The following SCOC variants were observed in gnomAD, a reference collection of about 807,000 sequenced individuals.
SCOC encodes short coiled coil protein.
Under a neutral mutation model 9.9 loss-of-function variants are expected in SCOC, and 7 were observed. The ratio of observed to expected loss-of-function variants is 0.71; its 90% CI spans 0.40 to 1.33. SCOC has a LOEUF of 1.33. Ranked by LOEUF, SCOC falls within the 40% of genes most tolerant of loss-of-function variation. The pLI is 0.01. For synonymous variants in SCOC, 19 were observed against 28.2 expected (o/e 0.67, Z 1.03); for missense variants, 66 against 89.7 (o/e 0.74, Z 1.07).
At chr4:140,365,105 AT>A (rs1727732324) in intron 2 of SCOC, among the ~76,000 whole-genome samples, 1 of 150,862 alleles carries the variant, frequency 6.6e-6, no homozygotes, top group Non-Finnish European at 1.5e-5. Flanking sequence ...CTATCCAGAT[AT>A]TGTGCATGAC....
upstream of SCOC, among the ~76,000 whole-genome samples, chr4:140,338,789 G>A (rs1461919000): frequency 6.6e-6 from 1 of 152,166 alleles, no homozygotes; most frequent in Non-Finnish European, 1.5e-5. Flanking sequence ...ACTGCTCAAT[G>A]AAATAAAAGA....
chr4:140,352,323 C>T (rs571680692), intron 2 of SCOC, among the ~76,000 whole-genome samples: 10 of 152,256 alleles, frequency 6.6e-5, no homozygotes, highest in African/African-American at 2.2e-4. Flanking sequence ...TCTTAATTGG[C>T]ATTTGGGATC....
At position 140,331,311 on chromosome 4, in the gene SCOC, T is replaced by C. The variant is rs1282488157; in HGVS notation, c.-18-12310T>C. On this transcript the variant is annotated intron_variant, in intron 1 of 4. Coordinates refer to the SCOC transcript ENST00000394205. ...ATGAAAATAAACATTTTCCATCCTG[T>C]TCTCCTCTGCTTCCAATCCACCCTG... Among the ~76,000 whole-genome samples, 5 of 152,218 alleles carry C rather than the reference T, an allele frequency of 3.3e-5. No homozygotes were observed. The East Asian group carries it at 9.6e-4, about 29-fold the overall frequency.
chr4:140,331,205 T>C (rs940001324), intron 1 of SCOC, among the ~76,000 whole-genome samples: 1 of 152,204 alleles, frequency 6.6e-6, no homozygotes, highest in Non-Finnish European at 1.5e-5. Context: ...TTTCCAAGAC[T>C]AGTTGCCCAC....
chr4:140,323,700 GA>G (rs1732566907), intron 1 of SCOC, among the ~76,000 whole-genome samples: 1 of 152,086 alleles, frequency 6.6e-6, no homozygotes, highest in Non-Finnish European at 1.5e-5. Context: ...TACCTAACCT[GA>G]ATACTCCAAT....
At chr4:140,343,014 T>A (rs550213173), upstream of SCOC, among the ~76,000 whole-genome samples, 3 of 152,366 alleles carry the variant, frequency 2.0e-5, no homozygotes, top group African/African-American at 7.2e-5. Flanking sequence ...TCTTCTTATT[T>A]CTTCAAATAT....
intron 1 of SCOC, among the ~76,000 whole-genome samples, chr4:140,324,448 T>C (rs1435971573): frequency 1.3e-5 from 2 of 152,132 alleles, no homozygotes; most frequent in Non-Finnish European, 2.9e-5. Flanking sequence ...GTTATCAATG[T>C]AGACAATTCC....
In SCOC at chr4:140,282,314, C is replaced by G. The variant is rs1731118957; in HGVS notation, c.-19+24904C>G. Reference sequence around the variant, plus strand: ...CCTTCTATCTGATTCTGAAAGGTCTCCAGGGGAAGATTCCATAATGAACCA... The same window carrying G: ...CCTTCTATCTGATTCTGAAAGGTCTGCAGGGGAAGATTCCATAATGAACCA... On this transcript the variant is annotated intron_variant, in intron 1 of 4. Transcript: ENST00000394205. Among the ~76,000 whole-genome samples the G allele has an allele frequency of 2.0e-5, 3 of 152,276 alleles. No homozygotes were observed. The South Asian group carries it at 6.2e-4, about 32-fold the overall frequency.
chr4:140,297,553 T>C (rs1378681187), intron 1 of SCOC, among the ~76,000 whole-genome samples: 1 of 152,158 alleles, frequency 6.6e-6, no homozygotes, highest in African/African-American at 2.4e-5. Flanking sequence ...CTTTCCTTCC[T>C]CTCCATCCTC....
At chr4:140,320,065 T>G (rs115924197) in intron 1 of SCOC, among the ~76,000 whole-genome samples, 3,079 of 152,278 alleles carry the variant, frequency 0.02, 49 homozygotes, top group Non-Finnish European at 0.033. Context: ...TGTTCCCAGA[T>G]GGTTAGGCAT....
At chr4:140,380,876 C>A (rs540616619) in intron 3 of SCOC, 86 bp from the exon 4 acceptor site, 33 of 1,072,566 alleles carry the variant, frequency 3.1e-5, no homozygotes, top group Non-Finnish European at 4.0e-5. Flanking sequence ...TGTATTATTT[C>A]TTTTAAGAAT....
upstream of SCOC, chr4:140,373,294 A>ACCAG: frequency 7.3e-7 from 1 of 1,373,202 alleles, no homozygotes; most frequent in Non-Finnish European, 9.4e-7. Flanking sequence ...TGTCGCTCAT[A>ACCAG]CCAGCCTCTT....
chr4:140,286,361 G>GAAA (rs112709885), intron 1 of SCOC, among the ~76,000 whole-genome samples: 10 of 143,122 alleles, frequency 7.0e-5, no homozygotes, highest in South Asian at 2.2e-4. Context: ...GTTAAAGGCT[G>GAAA]AAAAAAAAAA....
At chr4:140,318,968 C>G (rs934555311) in intron 1 of SCOC, among the ~76,000 whole-genome samples, 2 of 152,116 alleles carry the variant, frequency 1.3e-5, no homozygotes, top group Non-Finnish European at 2.9e-5. Context: ...TTTTTCTACT[C>G]TAGGAAGCCT....
At chr4:140,311,427 C>A (rs1040457078) in intron 1 of SCOC, among the ~76,000 whole-genome samples, 1 of 152,090 alleles carries the variant, frequency 6.6e-6, no homozygotes, top group Non-Finnish European at 1.5e-5. Flanking sequence ...CTATGTCATG[C>A]AATTAGCATT....
At chr4:140,285,413 G>A in intron 1 of SCOC, 1 of 395,114 alleles carries the variant, frequency 2.5e-6, no homozygotes, top group Admixed American at 2.7e-5. Flanking sequence ...TTTGATGTGG[G>A]GTGTGGTTTA....
At chr4:140,275,396 A>G (rs1237034267) in intron 1 of SCOC, among the ~76,000 whole-genome samples, 1 of 152,232 alleles carries the variant, frequency 6.6e-6, no homozygotes, top group Non-Finnish European at 1.5e-5. Flanking sequence ...ACTTTGCCAT[A>G]GATGTATGAT....
intron 1 of SCOC, among the ~76,000 whole-genome samples, chr4:140,279,191 T>C (rs1340121618): frequency 6.6e-6 from 1 of 152,202 alleles, no homozygotes; most frequent in Non-Finnish European, 1.5e-5. Flanking sequence ...TTAGTTCTTC[T>C]ATTCCTTTAG....
At chr4:140,324,905 A>G (rs765530299) in intron 1 of SCOC, among the ~76,000 whole-genome samples, 29 of 152,084 alleles carry the variant, frequency 1.9e-4, no homozygotes, top group Non-Finnish European at 3.5e-4. Context: ...AAAAAGTTGG[A>G]GGATTCATGC....
Sources: allele counts gnomAD v4.1 joint callset (sites outside exome capture counted in the v4.1 genomes callset), GRCh38; gene constraint gnomAD v4.1.1; transcripts MANE v1.5; gene names NCBI Gene and HGNC (gene_info 2026-07-23, HGNC 2026-07-21).